ARFGEF1: variants seen among roughly 807,000 people sequenced by gnomAD.
The protein encoded by ARFGEF1 is brefeldin A-inhibited guanine nucleotide-exchange protein 1.
ARFGEF1 carries 42 observed loss-of-function variants against 231.0 expected under a neutral mutation model. The ratio of observed to expected loss-of-function variants is 0.18; its 90% CI spans 0.14 to 0.24. The LOEUF is 0.24. Among genes scored for constraint, ARFGEF1 ranks in the 10% least tolerant of loss-of-function variants. The pLI is 1.00. For missense variants in ARFGEF1, 1,345 were observed against 2,192.0 expected (o/e 0.61, Z 7.72); for synonymous variants, 710 against 732.3 (o/e 0.97, Z 0.49).
At chr8:67,192,159 G>A (rs1836509945) in intron 5 of ARFGEF1, among the ~76,000 whole-genome samples, 1 of 149,388 alleles carries the variant, frequency 6.7e-6, no homozygotes, top group Non-Finnish European at 1.5e-5. Context: ...TGCACCCTCT[G>A]CCCCAGTGGG....
intron 5 of ARFGEF1, among the ~76,000 whole-genome samples, chr8:67,292,645 T>C (rs545562649): frequency 6.6e-6 from 1 of 152,260 alleles, no homozygotes; most frequent in South Asian, 2.1e-4. Flanking sequence ...TGCCTAGCCA[T>C]CTAATAATTA....
At chr8:67,269,513 G>A (rs905128612) in intron 10 of ARFGEF1, among the ~76,000 whole-genome samples, 2 of 151,650 alleles carry the variant, frequency 1.3e-5, no homozygotes, top group Non-Finnish European at 2.9e-5. Context: ...CACCACACCC[G>A]GCTAATTTTG....
At chr8:67,316,241 A>G (rs1419357023) in intron 1 of ARFGEF1, among the ~76,000 whole-genome samples, 1 of 152,210 alleles carries the variant, frequency 6.6e-6, no homozygotes, top group African/African-American at 2.4e-5. Flanking sequence ...AGATCATTTG[A>G]ATAGTCCTAT....
chr8:67,249,890 G>A (rs1840222412), intron 19 of ARFGEF1, among the ~76,000 whole-genome samples: 1 of 152,194 alleles, frequency 6.6e-6, no homozygotes, highest in Non-Finnish European at 1.5e-5. Context: ...CCGAAGTGCT[G>A]GGAATACAGG....
intron 18 of ARFGEF1, 25 bp downstream of exon 18, chr8:67,253,426 G>C (rs534652757): frequency 1.8e-5 from 26 of 1,471,322 alleles, no homozygotes; most frequent in Non-Finnish European, 2.4e-5. Flanking sequence ...TGAACAATCA[G>C]AATTCAATTA....
chr8:67,302,549 T>A, intron 1 of ARFGEF1, 83 bp from the exon 2 acceptor site: 1 of 942,970 alleles, frequency 1.1e-6, no homozygotes, highest in East Asian at 2.7e-5. Flanking sequence ...ATAAACTCAT[T>A]TGGAACTTCT....
At chr8:67,197,219 G>A (rs1838064346), downstream of ARFGEF1, among the ~76,000 whole-genome samples, 1 of 152,136 alleles carries the variant, frequency 6.6e-6, no homozygotes, top group Non-Finnish European at 1.5e-5. Context: ...GCTGAGTTGG[G>A]AGGATCACTT....
At chr8:67,214,006 G>A (rs1228286555) in intron 33 of ARFGEF1, among the ~76,000 whole-genome samples, 1 of 152,186 alleles carries the variant, frequency 6.6e-6, no homozygotes, top group Admixed American at 6.5e-5. Context: ...AAGTGGCTTT[G>A]GAACTGGGCA....
rs914658034 is a variant in ARFGEF1, at chr8:67,343,547, G to A, written c.-260C>T. Reference sequence around the variant, plus strand: ...GCCCGTCGGGCCTCCGCTTCTCCCGGCCCGGGGGTCGCGTCCCGGCCGCCC... The same window carrying A: ...GCCCGTCGGGCCTCCGCTTCTCCCGACCCGGGGGTCGCGTCCCGGCCGCCC... On this transcript the variant is annotated 5_prime_UTR_variant, in exon 1 of 39. Transcript: ENST00000262215. 3.9e-5 allele frequency: 45 copies of A among 1,145,022 alleles called. No individual in the cohort carries two copies. The highest frequency in any genetic ancestry group is 4.8e-5 in the Non-Finnish European group (45 of 931,804). The allele number at this position is 1,145,022 out of a possible 1,614,324, so 70.9% of individuals were successfully genotyped here. A position where few individuals can be genotyped will look rare whatever the true frequency, so the allele number is the denominator to read the frequency against.
At chr8:67,274,279 A>AC (rs1805221880) in intron 9 of ARFGEF1, among the ~76,000 whole-genome samples, 1 of 151,912 alleles carries the variant, frequency 6.6e-6, no homozygotes, top group South Asian at 2.1e-4. Context: ...GGAAGCAAAG[A>AC]CAAAAAAAAG....
chr8:67,271,437 G>C (rs1016340248), intron 10 of ARFGEF1, among the ~76,000 whole-genome samples: 1 of 152,110 alleles, frequency 6.6e-6, no homozygotes, highest in Non-Finnish European at 1.5e-5. Flanking sequence ...ATTAATTCAA[G>C]AGAGCAAGAA....
At chr8:67,302,570 G>A in intron 1 of ARFGEF1, 104 bp from the exon 2 acceptor site, 23 of 733,032 alleles carry the variant, frequency 3.1e-5, no homozygotes, top group South Asian at 9.1e-5. Context: ...ACAAAAAGTT[G>A]GAAAGAATGC....
At chr8:67,193,447 C>CTGTT, downstream of ARFGEF1, 1 of 1,605,438 alleles carries the variant, frequency 6.2e-7, no homozygotes, top group South Asian at 1.1e-5. Flanking sequence ...TTCTGAAGTT[C>CTGTT]TGTTTTCTAA....
At chr8:67,273,101 C>T (rs1207651670) in intron 9 of ARFGEF1, among the ~76,000 whole-genome samples, 9 of 151,132 alleles carry the variant, frequency 6.0e-5, no homozygotes, top group East Asian at 1.9e-4. Flanking sequence ...AGTGAGACTC[C>T]GTGTCCAAAA....
chr8:67,255,274 T>C (rs1046213863), intron 17 of ARFGEF1, among the ~76,000 whole-genome samples: 7 of 152,218 alleles, frequency 4.6e-5, no homozygotes, highest in Admixed American at 2.0e-4. Context: ...TTTCTTCTCC[T>C]GCCATCTTTT....
downstream of ARFGEF1, among the ~76,000 whole-genome samples, chr8:67,195,127 G>T (rs1211321455): frequency 3.3e-5 from 5 of 152,118 alleles, no homozygotes; most frequent in Non-Finnish European, 7.4e-5. Flanking sequence ...CCCTCTGGTT[G>T]CTAGTGCCAT....
chr8:67,278,361 C>T (rs1805397084), intron 7 of ARFGEF1, among the ~76,000 whole-genome samples: 1 of 152,062 alleles, frequency 6.6e-6, no homozygotes, highest in African/African-American at 2.4e-5. Flanking sequence ...TGAGGAACCA[C>T]CAAAACACAC....
chr8:67,198,827 C>CA lies in ARFGEF1; in HGVS notation c.*106dup. The CA allele has an allele frequency of 6.6e-7, 1 of 1,508,844 alleles. No individual in the cohort carries two copies. The highest frequency in any genetic ancestry group is 8.8e-7 in the Non-Finnish European group (1 of 1,134,452). 93.5% of individuals were successfully genotyped at this position (1,508,844 alleles called of 1,614,324 possible). On this transcript the variant is annotated 3_prime_UTR_variant, in exon 39 of 39. Transcript: ENST00000262215. ...CTTCTAAGCATCTTTACCAGTAACT[C>CA]AGACACTGCAATCCAGAGAAATCAT...
chr8:67,290,792 T>C (rs549238964), intron 6 of ARFGEF1, among the ~76,000 whole-genome samples: 23 of 152,326 alleles, frequency 1.5e-4, no homozygotes, highest in African/African-American at 5.3e-4. Context: ...TTAAGTGGTA[T>C]GGATTCACTA....
Sources: allele counts gnomAD v4.1 joint callset (sites outside exome capture counted in the v4.1 genomes callset), GRCh38; gene constraint gnomAD v4.1.1; transcripts MANE v1.5; gene names NCBI Gene and HGNC (gene_info 2026-07-23, HGNC 2026-07-21).